Variants in PRUNE2 observed in about 807,000 individuals in gnomAD.
PRUNE2 encodes the protein protein prune homolog 2.
PRUNE2 carries 164 observed loss-of-function variants against 252.0 expected under a neutral mutation model. That is an observed-to-expected ratio of 0.65 (90% confidence interval 0.57 to 0.74). The LOEUF (loss-of-function observed/expected upper bound fraction) is 0.74, where lower values mean the gene tolerates loss of function less well. Ranked by LOEUF, PRUNE2 falls within the 30% of genes least tolerant of loss-of-function variation. The pLI is 0.00. For synonymous variants in PRUNE2, 1,292 were observed against 1,350.2 expected, an observed-to-expected ratio of 0.96 and a Z score of 0.94; for missense variants, 3,495 against 3,711.0, an observed-to-expected ratio of 0.94 and a Z score of 1.51.
At chr9:76,724,581 A>G (rs1020136991) in intron 6 of PRUNE2, among the ~76,000 whole-genome samples, 5 of 152,182 alleles carry the variant, frequency 3.3e-5, no homozygotes, top group African/African-American at 9.7e-5. Context: ...ATCCCATCCT[A>G]TCTTCCATAA....
At chr9:76,760,578 C>T (rs1189481931) in intron 6 of PRUNE2, among the ~76,000 whole-genome samples, 1 of 152,202 alleles carries the variant, frequency 6.6e-6, no homozygotes, top group African/African-American at 2.4e-5. Context: ...CTACATGCTG[C>T]ATCCAGATTA....
chr9:76,727,998 G>T (rs1200540016), intron 6 of PRUNE2, among the ~76,000 whole-genome samples: 5 of 152,038 alleles, frequency 3.3e-5, no homozygotes, highest in Non-Finnish European at 7.4e-5. Flanking sequence ...TTACAGGTGT[G>T]AGCCCCCCGA....
chr9:76,860,533 G>A (rs965020642), intron 1 of PRUNE2, among the ~76,000 whole-genome samples: 6 of 152,166 alleles, frequency 3.9e-5, no homozygotes, highest in African/African-American at 1.2e-4. Context: ...TTTCTGCAAC[G>A]GTGGTTTCAC....
At chr9:76,825,672 TCA>T (rs1183589105) in intron 5 of PRUNE2, among the ~76,000 whole-genome samples, 1 of 152,216 alleles carries the variant, frequency 6.6e-6, no homozygotes, top group African/African-American at 2.4e-5. Flanking sequence ...TTTCTGCACT[TCA>T]GTGTCCTCCC....
chr9:76,728,202 C>T (rs1368728183), intron 6 of PRUNE2, among the ~76,000 whole-genome samples: 2 of 152,086 alleles, frequency 1.3e-5, no homozygotes, highest in African/African-American at 4.8e-5. Context: ...AACAGGCTAC[C>T]AGCATCTTTG....
At chr9:76,719,620 A>G (rs7042953) in intron 6 of PRUNE2, among the ~76,000 whole-genome samples, 30,908 of 151,792 alleles carry the variant, frequency 0.2, 3,495 homozygotes, top group East Asian at 0.49. Context: ...GCTCCTCTCT[A>G]AAAGAAAAAA....
At chr9:76,889,172 C>T (rs1200270573) in intron 1 of PRUNE2, among the ~76,000 whole-genome samples, 1 of 152,052 alleles carries the variant, frequency 6.6e-6, no homozygotes, top group African/African-American at 2.4e-5. Context: ...ATTTATGGTC[C>T]TTCCTTGCTG....
In PRUNE2 at chr9:76,703,900, G is replaced by A. The variant is rs1483333877; in HGVS notation, c.7713C>T (p.Ser2571=). 1.2e-6 allele frequency: 2 copies of A among 1,613,738 alleles called. No homozygotes were observed. The highest frequency in any genetic ancestry group is 3.3e-5 in the Admixed American group (2 of 59,964). The change falls in exon 9 of 19, where the codon AGC becomes AGT. Residue 2571 remains serine (S), a synonymous_variant. Transcript: ENST00000376718. ...CTACATACAATTCTAATTCAGCTAT[G>A]CTTTCTCTTTCTTCACAGGTCTCTG... ...SKPETCEERE[S]IAELELYVGS...
intron 4 of PRUNE2, among the ~76,000 whole-genome samples, chr9:76,838,931 C>A (rs2059225585): frequency 6.6e-6 from 1 of 151,962 alleles, no homozygotes. Context: ...CTTTTTGGTG[C>A]AAAGTATTAT....
At chr9:76,758,058 G>T (rs2051324812) in intron 6 of PRUNE2, among the ~76,000 whole-genome samples, 1 of 152,098 alleles carries the variant, frequency 6.6e-6, no homozygotes, top group Non-Finnish European at 1.5e-5. Flanking sequence ...GTTAACCTTT[G>T]CTATCTTCAA....
At chr9:76,886,006 C>A (rs552406232) in intron 1 of PRUNE2, among the ~76,000 whole-genome samples, 1 of 151,116 alleles carries the variant, frequency 6.6e-6, no homozygotes, top group Admixed American at 6.6e-5. Context: ...GGCGAAACCC[C>A]GTCTCTACTA....
rs750116736 is a variant in PRUNE2, at chr9:76,703,772, A to G, written c.7841T>C (p.Met2614Thr). The G allele has an allele frequency of 2.5e-6, 4 of 1,613,466 alleles. No homozygotes were observed. The highest frequency in any genetic ancestry group is 2.5e-6 in the Non-Finnish European group (3 of 1,179,798). The stretch of plus-strand genomic sequence containing the variant: ...TGATCTCGTATCGCTTTTAGAAGAC[A>G]TTTTCTCTGCAGAGAGACCTTTTCT... Reference protein sequence around the residue: ...NERKGLSAEKMSSKSDTRSSF... With the variant: ...NERKGLSAEKTSSKSDTRSSF... The change falls in exon 9 of 19, where the codon ATG becomes ACG. Residue 2614 changes from methionine (M) to threonine (T), a missense_variant. Transcript: ENST00000376718.
At chr9:76,642,017 AG>A (rs1842846351) in intron 12 of PRUNE2, 45 of 1,274,870 alleles carry the variant, frequency 3.5e-5, no homozygotes, top group South Asian at 4.3e-5. Context: ...AAAAAAAAAA[AG>A]AAAAGAAAAA....
chr9:76,816,365 AT>A (rs1212966491), intron 6 of PRUNE2, among the ~76,000 whole-genome samples: 1 of 152,040 alleles, frequency 6.6e-6, no homozygotes, highest in Non-Finnish European at 1.5e-5. Context: ...TTACACAGGG[AT>A]TTTTTATTCT....
In PRUNE2 at chr9:76,707,186, C is replaced by G. The variant is rs2046372100; in HGVS notation, c.5088G>C (p.Glu1696Asp). The change falls in exon 8 of 19, where the codon GAG becomes GAC. Residue 1696 changes from glutamate (E) to aspartate (D), a missense_variant. Physicochemically the swap from Glu to Asp is conservative, Grantham distance 45 (BLOSUM62 2). Coordinates refer to ENST00000376718, the MANE Select transcript of PRUNE2 (RefSeq NM_015225.3). Reference protein sequence around the residue: ...GSDDDSVGGEESIEEEIQVAN... With the variant: ...GSDDDSVGGEDSIEEEIQVAN... ...CCACCTGGATCTCTTCCTCTATTGA[C>G]TCTTCACCACCGACACTGTCATCAT... 1.2e-6 allele frequency: 2 copies of G among 1,613,858 alleles called. No homozygotes were observed. The highest frequency in any genetic ancestry group is 2.2e-5 in the South Asian group (2 of 91,086).
At chr9:76,842,888 T>A (rs935859137) in intron 4 of PRUNE2, among the ~76,000 whole-genome samples, 10 of 152,160 alleles carry the variant, frequency 6.6e-5, no homozygotes, top group Non-Finnish European at 1.3e-4. Flanking sequence ...GGAGTGTAAA[T>A]TAGTTCCAGC....
intron 6 of PRUNE2, chr9:76,817,976 G>A (rs750325507): frequency 5.3e-5 from 8 of 152,106 alleles, no homozygotes; most frequent in Non-Finnish European, 8.8e-5. Flanking sequence ...GGGCAAAATG[G>A]CTTTGAAAAG....
chr9:76,763,294 C>T (rs997248261), intron 6 of PRUNE2, among the ~76,000 whole-genome samples: 7 of 152,122 alleles, frequency 4.6e-5, no homozygotes, highest in Non-Finnish European at 5.9e-5. Flanking sequence ...CACAGAGTTA[C>T]GTGAGGTTTA....
At chr9:76,700,468 C>T (rs1213867800) in intron 9 of PRUNE2, among the ~76,000 whole-genome samples, 2 of 152,072 alleles carry the variant, frequency 1.3e-5, no homozygotes, top group Non-Finnish European at 2.9e-5. Flanking sequence ...CCATGGCTTC[C>T]TTCATAGTAT....
Sources: gnomAD v4.1 joint callset for allele counts (sites outside exome capture counted in the v4.1 genomes callset) on GRCh38, gnomAD v4.1.1 for gene constraint, MANE v1.5 for transcripts, NCBI Gene and HGNC (gene_info 2026-07-23, HGNC 2026-07-21) for gene names.